Variants in MDGA2 observed in about 807,000 individuals in gnomAD.
MDGA2 encodes MAM domain containing glycosylphosphatidylinositol anchor 2, also known as MAM domain-containing glycosylphosphatidylinositol anchor protein 2.
Under a neutral mutation model 117.8 loss-of-function variants are expected in MDGA2, and 40 were observed. The observed-to-expected ratio is 0.34, with a 90% CI of 0.26 to 0.44. MDGA2 has a LOEUF of 0.44. Among genes scored for constraint, MDGA2 ranks in the 20% least tolerant of loss-of-function variants. The pLI is 1.00. For synonymous variants in MDGA2, 452 were observed against 439.0 expected, an observed-to-expected ratio of 1.03 and a Z score of -0.37; for missense variants, 1,123 against 1,250.6, an observed-to-expected ratio of 0.90 and a Z score of 1.54.
At chr14:47,401,222 T>TA (rs1892141437) in intron 1 of MDGA2, among the ~76,000 whole-genome samples, 1 of 152,180 alleles carries the variant, frequency 6.6e-6, no homozygotes, top group Non-Finnish European at 1.5e-5. Context: ...CATTAATTCT[T>TA]ACCTCCATTT....
At chr14:47,512,043 A>G (rs1894653063) in intron 1 of MDGA2, among the ~76,000 whole-genome samples, 1 of 152,188 alleles carries the variant, frequency 6.6e-6, no homozygotes, top group Non-Finnish European at 1.5e-5. Context: ...TTGGTTCAGT[A>G]AAGTCTTTGT....
chr14:47,015,767 T>C lies in MDGA2; in HGVS notation c.1819+19244A>G, dbSNP rs543531214. 5.4e-4 allele frequency among the ~76,000 whole-genome samples: 82 copies of C among 152,076 alleles called. 1 individual carries two copies. Among genetic ancestry groups the C allele is most frequent in the African/African-American group, 1.9e-3 (78 of 41,502 alleles). On this transcript the variant is annotated intron_variant, in intron 8 of 16. Coordinates refer to ENST00000399232, the MANE Select transcript of MDGA2 (RefSeq NM_001113498.3). ...AGGACTTTGGAAGTGAAAACAAGAA[T>C]GTAACATATGCTTCCAAATAAGAAG...
chr14:47,613,324 A>T (rs1404608374), intron 1 of MDGA2, among the ~76,000 whole-genome samples: 1 of 152,184 alleles, frequency 6.6e-6, no homozygotes, highest in Non-Finnish European at 1.5e-5. Flanking sequence ...ACATCTGAAC[A>T]CATTAGCAAA....
intron 1 of MDGA2, among the ~76,000 whole-genome samples, chr14:47,396,487 T>C (rs945217214): frequency 3.9e-5 from 6 of 152,030 alleles, no homozygotes; most frequent in African/African-American, 1.4e-4. Flanking sequence ...AATTGACAAA[T>C]GGGATCTAAT....
At chr14:47,433,623 T>C (rs1892841307) in intron 1 of MDGA2, among the ~76,000 whole-genome samples, 1 of 152,096 alleles carries the variant, frequency 6.6e-6, no homozygotes, top group Non-Finnish European at 1.5e-5. Flanking sequence ...TTAGAAATTC[T>C]GGATTCACGA....
At chr14:47,011,619 A>G (rs1887897782) in intron 8 of MDGA2, among the ~76,000 whole-genome samples, 1 of 152,020 alleles carries the variant, frequency 6.6e-6, no homozygotes, top group South Asian at 2.1e-4. Context: ...ACTCTAGCAT[A>G]TATTTTTTAA....
chr14:46,979,208 G>A (rs904073382), intron 8 of MDGA2, among the ~76,000 whole-genome samples: 13 of 151,734 alleles, frequency 8.6e-5, no homozygotes, highest in African/African-American at 2.7e-4. Context: ...TTGGAATACC[G>A]GGAACTGCGC....
chr14:47,173,774 G>C (rs922109126), intron 3 of MDGA2, among the ~76,000 whole-genome samples: 4 of 152,110 alleles, frequency 2.6e-5, no homozygotes, highest in Admixed American at 6.6e-5. Flanking sequence ...ACATCATAAT[G>C]ACAGGATCAA....
intron 8 of MDGA2, among the ~76,000 whole-genome samples, chr14:46,999,933 T>C (rs1294332812): frequency 6.6e-6 from 1 of 151,994 alleles, no homozygotes; most frequent in Non-Finnish European, 1.5e-5. Flanking sequence ...ACATGCTCAT[T>C]AGATGTAACA....
intron 8 of MDGA2, among the ~76,000 whole-genome samples, chr14:46,959,763 T>C (rs1885717853): frequency 6.6e-6 from 1 of 152,198 alleles, no homozygotes; most frequent in Non-Finnish European, 1.5e-5. Flanking sequence ...ACTACTCCGA[T>C]TGTCTCAAAG....
At chr14:47,407,287 T>C (rs1441908669) in intron 1 of MDGA2, among the ~76,000 whole-genome samples, 3 of 152,190 alleles carry the variant, frequency 2.0e-5, no homozygotes, top group Non-Finnish European at 4.4e-5. Flanking sequence ...GTCCATTTCA[T>C]TGCACCCTAA....
intron 4 of MDGA2, among the ~76,000 whole-genome samples, chr14:47,137,964 T>TA (rs1416231563): frequency 1.3e-5 from 2 of 152,150 alleles, no homozygotes; most frequent in Non-Finnish European, 2.9e-5. Flanking sequence ...GGAGAGTGGG[T>TA]AATACAGATG....
At chr14:47,655,953 G>A (rs113353683) in intron 1 of MDGA2, among the ~76,000 whole-genome samples, 12 of 152,148 alleles carry the variant, frequency 7.9e-5, no homozygotes, top group Non-Finnish European at 1.0e-4. Context: ...TAAAGTCTAC[G>A]GCAAGTCCCT....
intron 1 of MDGA2, among the ~76,000 whole-genome samples, chr14:47,631,589 C>T (rs1452231528): frequency 1.3e-5 from 2 of 152,134 alleles, no homozygotes; most frequent in Non-Finnish European, 2.9e-5. Flanking sequence ...CTGGTTTCTA[C>T]CTCAACTCTC....
At chr14:47,300,536 CTGGAGTG>C (rs142286336) in intron 2 of MDGA2, among the ~76,000 whole-genome samples, 165 of 152,012 alleles carry the variant, frequency 1.1e-3, no homozygotes, top group African/African-American at 3.8e-3. Flanking sequence ...GTTGCCCAGA[CTGGAGTG>C]TGGTGGTACA....
intron 1 of MDGA2, among the ~76,000 whole-genome samples, chr14:47,628,115 A>G (rs1270668277): frequency 6.6e-6 from 1 of 152,152 alleles, no homozygotes; most frequent in East Asian, 1.9e-4. Flanking sequence ...CAGCTTTAGC[A>G]TATTCTCTTC....
intron 1 of MDGA2, among the ~76,000 whole-genome samples, chr14:47,549,622 A>T (rs1895541744): frequency 6.6e-6 from 1 of 152,182 alleles, no homozygotes; most frequent in Non-Finnish European, 1.5e-5. Context: ...TGGACCCCTA[A>T]TATTCAATGT....
At chr14:47,473,023 T>C (rs141435054) in intron 1 of MDGA2, among the ~76,000 whole-genome samples, 57 of 152,150 alleles carry the variant, frequency 3.7e-4, no homozygotes, top group Non-Finnish European at 7.4e-4. Flanking sequence ...GAAATGCGAG[T>C]AGAAGCACAT....
chr14:47,233,798 G>GAGA (rs1156551499), intron 2 of MDGA2, among the ~76,000 whole-genome samples: 1 of 152,058 alleles, frequency 6.6e-6, no homozygotes, highest in African/African-American at 2.4e-5. Flanking sequence ...CCTACATTTA[G>GAGA]ACATTTCTGA....
Sources: allele counts gnomAD v4.1 joint callset (sites outside exome capture counted in the v4.1 genomes callset), GRCh38; gene constraint gnomAD v4.1.1; transcripts MANE v1.5; gene names NCBI Gene and HGNC (gene_info 2026-07-23, HGNC 2026-07-21).